Variants in MBTPS1 observed in about 807,000 individuals in gnomAD.
MBTPS1 encodes membrane-bound transcription factor site-1 protease.
In MBTPS1, 94 loss-of-function variants were observed where a neutral mutation model predicts 127.8. The observed-to-expected ratio is 0.74, with a 90% CI of 0.62 to 0.87. MBTPS1 has a LOEUF of 0.87. MBTPS1 is among the 40% of genes least tolerant of loss of function. The pLI, the probability that MBTPS1 is intolerant of heterozygous loss-of-function variation, is 0.00. For synonymous variants in MBTPS1, 632 were observed against 509.4 expected, an observed-to-expected ratio of 1.24 and a Z score of -3.24; for missense variants, 1,636 against 1,353.2, an observed-to-expected ratio of 1.21 and a Z score of -3.28.
At position 84,067,934 on chromosome 16, in the gene MBTPS1, T is replaced by A. The variant is rs1475945885; in HGVS notation, c.2072-111A>T. ...GTCTCAGGTTACTGACACCTAACAGTCTGGTTTGTGCCACCCTGTACCACT... is the reference window on the plus strand; with the variant it reads ...GTCTCAGGTTACTGACACCTAACAGACTGGTTTGTGCCACCCTGTACCACT... On this transcript the variant is annotated intron_variant, in intron 15 of 22. Transcript: ENST00000343411. The A allele has an allele frequency of 2.8e-6, 3 of 1,066,136 alleles. No individual in the cohort carries two copies. In the African/African-American group the frequency reaches 4.7e-5, roughly 17 times the overall value. The allele number at this position is 1,066,136 out of a possible 1,614,324, so 66.0% of individuals were successfully genotyped here.
rs770261952 is a variant in MBTPS1, at chr16:84,095,600, A to G, written c.625+2T>C. On this transcript the variant is annotated splice_donor_variant, in intron 4 of 22. Transcript: ENST00000343411. LOFTEE classifies it high-confidence loss of function. Reference sequence around the variant, plus strand: ...GCACCTTCCCTGGGTAATAGCACACACCTGTATATCCCATCTGCCAGAGCA... The same window carrying G: ...GCACCTTCCCTGGGTAATAGCACACGCCTGTATATCCCATCTGCCAGAGCA... The G allele has an allele frequency of 6.2e-7, 1 of 1,613,944 alleles. No homozygotes were observed. The highest frequency in any genetic ancestry group is 8.5e-7 in the Non-Finnish European group (1 of 1,179,910).
chr16:84,071,437 T>G (rs1192515585), intron 12 of MBTPS1, among the ~76,000 whole-genome samples: 1 of 152,064 alleles, frequency 6.6e-6, no homozygotes, highest in South Asian at 2.1e-4. Flanking sequence ...AGTAAGCCAG[T>G]GGGTTAAGAA....
chr16:84,076,344 C>A (rs112941563), intron 11 of MBTPS1, among the ~76,000 whole-genome samples: 5 of 151,994 alleles, frequency 3.3e-5, no homozygotes, highest in African/African-American at 1.2e-4. Flanking sequence ...TCTTACTTAA[C>A]GGAGAAATAC....
At chr16:84,092,322 G>A (rs190017291) in intron 6 of MBTPS1, among the ~76,000 whole-genome samples, 1 of 152,292 alleles carries the variant, frequency 6.6e-6, no homozygotes, top group East Asian at 1.9e-4. Context: ...ATGTTCAAGT[G>A]CTCCTATGTT....
intron 11 of MBTPS1, 30 bp from the exon 12 acceptor site, chr16:84,074,771 A>T (rs1340459152): frequency 1.3e-6 from 2 of 1,590,832 alleles, no homozygotes. Flanking sequence ...GTTAGAGTAG[A>T]TCATATGAGA....
chr16:84,059,624 T>C (rs971366890), intron 20 of MBTPS1, 196 bp from the exon 21 acceptor site: 4 of 479,376 alleles, frequency 8.3e-6, no homozygotes, highest in African/African-American at 5.9e-5. Context: ...TGTGTTTCCA[T>C]TGCTGAAGGT....
chr16:84,084,006 C>T (rs2085981576), intron 10 of MBTPS1, among the ~76,000 whole-genome samples: 3 of 152,214 alleles, frequency 2.0e-5, no homozygotes, highest in East Asian at 1.9e-4. Context: ...GTCACCCAGG[C>T]TGGAGTGCAG....
intron 21 of MBTPS1, chr16:84,057,149 A>G (rs1000521770): frequency 1.3e-5 from 2 of 152,230 alleles, no homozygotes; most frequent in Admixed American, 1.3e-4. Context: ...GGCAGGCAAG[A>G]GAGAGACTCC....
At chr16:84,110,962 T>C (rs1239856551) in intron 1 of MBTPS1, 5 of 152,212 alleles carry the variant, frequency 3.3e-5, no homozygotes, top group East Asian at 1.9e-4. Flanking sequence ...GCTCAATAAT[T>C]ATGGTCGGTG....
intron 1 of MBTPS1, among the ~76,000 whole-genome samples, chr16:84,102,863 A>C (rs1254043623): frequency 6.6e-6 from 1 of 152,244 alleles, no homozygotes; most frequent in Non-Finnish European, 1.5e-5. Context: ...AAAAGAGCAT[A>C]AAAGGGTTTA....
chr16:84,116,579 C>G (rs2086482706), intron 1 of MBTPS1, among the ~76,000 whole-genome samples, 156 bp downstream of exon 1: 1 of 152,182 alleles, frequency 6.6e-6, no homozygotes, highest in East Asian at 1.9e-4. Context: ...TGTGTCCAAA[C>G]AAGCGCCGGA....
chr16:84,103,705 A>G (rs1034010047), intron 1 of MBTPS1, among the ~76,000 whole-genome samples: 4 of 152,198 alleles, frequency 2.6e-5, no homozygotes, highest in African/African-American at 9.7e-5. Flanking sequence ...CTACGAGTAG[A>G]AAAACATTGA....
chr16:84,060,507 G>T, intron 20 of MBTPS1, 175 bp downstream of exon 20: 2 of 642,226 alleles, frequency 3.1e-6, no homozygotes, highest in Non-Finnish European at 5.2e-6. Context: ...ACTAAGGATG[G>T]CCTCTCGGCA....
intron 11 of MBTPS1, among the ~76,000 whole-genome samples, chr16:84,076,054 A>G (rs766749490): frequency 7.2e-5 from 11 of 152,384 alleles, no homozygotes; most frequent in Non-Finnish European, 1.3e-4. Context: ...ATTAGCAAAC[A>G]GAATTCAACA....
At chr16:84,112,031 T>C (rs1694787489) in intron 1 of MBTPS1, among the ~76,000 whole-genome samples, 1 of 151,990 alleles carries the variant, frequency 6.6e-6, no homozygotes, top group African/African-American at 2.4e-5. Context: ...CAAAACCCTG[T>C]CTCTACTAAA....
chr16:84,090,424 C>T (rs2086088053), intron 8 of MBTPS1, among the ~76,000 whole-genome samples: 1 of 152,182 alleles, frequency 6.6e-6, no homozygotes. Flanking sequence ...CCAGCACTTC[C>T]CCTGTGAATG....
At chr16:84,074,385 C>A (rs1291969873) in intron 12 of MBTPS1, among the ~76,000 whole-genome samples, 2 of 152,190 alleles carry the variant, frequency 1.3e-5, no homozygotes, top group African/African-American at 4.8e-5. Flanking sequence ...CGGGCACACA[C>A]CACCATCCCT....
Position 84,093,783 on chromosome 16 carries a change from T to A in MBTPS1, c.664A>T (p.Ser222Cys). Residue 222 changes from serine (S) to cysteine (C), a missense_variant, in exon 5 of 23, where the codon AGC becomes TGC. By Grantham distance (112) the Ser-to-Cys change is moderately radical. Transcript: ENST00000343411. ...TTTTTGAAGTGGGGATGCTTCTCGC[T>A]CAGCCCAGTGTCAAAAACAGCAACT... ...VRVAVFDTGL[S>C]EKHPHFKNVK... 1.2e-6 allele frequency: 2 copies of A among 1,614,002 alleles called. No individual in the cohort carries two copies. Among genetic ancestry groups the A allele is most frequent in the Non-Finnish European group, 1.7e-6 (2 of 1,179,930 alleles).
Position 84,101,703 on chromosome 16 carries a change from C to A in MBTPS1, c.81G>T (p.Lys27Asn). ...GGCATGGGGCCTTTTCAAAAGATTT[C>A]TTTTCCAGTCTGTCGCCCAGATGTT... ...GKKHLGDRLE[K>N]KSFEKAPCPG... Residue 27 changes from lysine to asparagine, a missense_variant, in exon 2 of 23, where the codon AAG becomes AAT. Physicochemically the swap from Lys to Asn is moderately conservative, Grantham distance 94. Coordinates refer to ENST00000343411, the MANE Select transcript of MBTPS1 (RefSeq NM_003791.4). 1 of 1,614,176 alleles carries A rather than the reference C, an allele frequency of 6.2e-7. No individual in the cohort carries two copies. Among genetic ancestry groups the A allele is most frequent in the Non-Finnish European group, 8.5e-7 (1 of 1,180,032 alleles).
Sources: gnomAD v4.1 joint callset for allele counts (sites outside exome capture counted in the v4.1 genomes callset) on GRCh38, gnomAD v4.1.1 for gene constraint, MANE v1.5 for transcripts, NCBI Gene and HGNC (gene_info 2026-07-23, HGNC 2026-07-21) for gene names.